The following UBE2H variants were observed in gnomAD, a reference collection of about 807,000 sequenced individuals.
UBE2H encodes the protein ubiquitin conjugating enzyme E2 H, also known as ubiquitin-conjugating enzyme E2 H.
UBE2H carries 3 observed loss-of-function variants against 29.0 expected under a neutral mutation model. The ratio of observed to expected loss-of-function variants is 0.10; its 90% confidence interval spans 0.05 to 0.27. UBE2H has a LOEUF of 0.27. Among genes scored for constraint, UBE2H ranks in the 10% least tolerant of loss-of-function variants. The pLI is 1.00. For missense variants in UBE2H, 68 were observed against 228.2 expected (o/e 0.30, Z 4.52); for synonymous variants, 69 against 82.9 (o/e 0.83, Z 0.91).
intron 1 of UBE2H, among the ~76,000 whole-genome samples, chr7:129,904,285 C>CTTTTT (rs199845683): frequency 8.9e-5 from 13 of 146,612 alleles, no homozygotes; most frequent in Non-Finnish European, 2.0e-4. Context: ...TAAGGTGTGT[C>CTTTTT]TTTTTTTTTT....
intron 1 of UBE2H, among the ~76,000 whole-genome samples, chr7:129,905,337 T>C (rs1470082673): frequency 6.6e-6 from 1 of 152,080 alleles, no homozygotes; most frequent in African/African-American, 2.4e-5. Context: ...CAGACCATTA[T>C]ACATTTGATT....
intron 1 of UBE2H, chr7:129,948,972 T>A: frequency 2.2e-6 from 1 of 456,872 alleles, no homozygotes; most frequent in Non-Finnish European, 4.4e-6. Flanking sequence ...ATCAGCTGTT[T>A]GGTAGCTCCT....
chr7:129,912,167 C>G (rs1221573274), intron 1 of UBE2H, among the ~76,000 whole-genome samples: 1 of 152,166 alleles, frequency 6.6e-6, no homozygotes, highest in East Asian at 1.9e-4. Context: ...CCATGCCCAT[C>G]CATTTACGTA....
intron 1 of UBE2H, among the ~76,000 whole-genome samples, chr7:129,901,417 C>T (rs1806712189): frequency 6.6e-6 from 1 of 152,032 alleles, no homozygotes; most frequent in Non-Finnish European, 1.5e-5. Flanking sequence ...GACTGCACAG[C>T]GCCACAGGGA....
At chr7:129,897,581 T>A (rs576322437) in intron 1 of UBE2H, among the ~76,000 whole-genome samples, 4 of 152,354 alleles carry the variant, frequency 2.6e-5, no homozygotes, top group African/African-American at 7.2e-5. Context: ...TCAAAATTAC[T>A]GTCAAGGTTT....
intron 1 of UBE2H, among the ~76,000 whole-genome samples, chr7:129,940,924 C>T (rs1807628813): frequency 6.6e-6 from 1 of 152,156 alleles, no homozygotes; most frequent in African/African-American, 2.4e-5. Flanking sequence ...ACAATGCACT[C>T]GAATTACACT....
At chr7:129,943,626 G>T (rs2116523000) in intron 1 of UBE2H, among the ~76,000 whole-genome samples, 1 of 152,310 alleles carries the variant, frequency 6.6e-6, no homozygotes, top group East Asian at 1.9e-4. Context: ...GATTGGCCAG[G>T]CATCGTGGCT....
intron 5 of UBE2H, among the ~76,000 whole-genome samples, chr7:129,846,734 G>A (rs1158099354): frequency 1.3e-5 from 2 of 152,036 alleles, no homozygotes; most frequent in African/African-American, 4.8e-5. Flanking sequence ...ACTTAATACT[G>A]AAAAATACAT....
chr7:129,851,820 A>T (rs1805615248), intron 5 of UBE2H, among the ~76,000 whole-genome samples: 1 of 152,218 alleles, frequency 6.6e-6, no homozygotes, highest in African/African-American at 2.4e-5. Flanking sequence ...ATAACTAGTT[A>T]GACTCCTGAG....
intron 5 of UBE2H, among the ~76,000 whole-genome samples, chr7:129,844,507 TAAC>T (rs1455729639): frequency 6.6e-5 from 10 of 152,160 alleles, no homozygotes; most frequent in African/African-American, 1.4e-4. Context: ...TCGATAATAA[TAAC>T]GATAAAAATG....
At chr7:129,867,724 C>CAAAAAAAA (rs1473451530) in intron 3 of UBE2H, among the ~76,000 whole-genome samples, 54 of 31,186 alleles carry the variant, frequency 1.7e-3, no homozygotes, top group Middle Eastern at 0.02. Flanking sequence ...AAAAGAAAAC[C>CAAAAAAAA]AAAAAAAAAA....
At chr7:129,890,261 G>A (rs937519230) in intron 1 of UBE2H, among the ~76,000 whole-genome samples, 7 of 148,508 alleles carry the variant, frequency 4.7e-5, no homozygotes, top group African/African-American at 9.9e-5. Context: ...ACATACACAC[G>A]TATATATACA....
At chr7:129,847,424 G>A (rs1447185538) in intron 5 of UBE2H, among the ~76,000 whole-genome samples, 1 of 152,112 alleles carries the variant, frequency 6.6e-6, no homozygotes, top group Admixed American at 6.5e-5. Context: ...AAGGAGGGAG[G>A]ATCACTAGAG....
chr7:129,857,357 A>G (rs1805725375), intron 5 of UBE2H, 154 bp downstream of exon 5: 3 of 693,286 alleles, frequency 4.3e-6, no homozygotes, highest in Non-Finnish European at 7.2e-6. Context: ...TTAAGAGAAA[A>G]CATTTTTTCC....
chr7:129,892,034 G>T (rs1403008354), intron 1 of UBE2H, among the ~76,000 whole-genome samples: 1 of 147,540 alleles, frequency 6.8e-6, no homozygotes, highest in East Asian at 2.0e-4. Context: ...CTCACTGCAA[G>T]CTCCGCCTCC....
rs191536619 is a variant in UBE2H, at chr7:129,928,850, T to C, written c.53+23653A>G. Among the ~76,000 whole-genome samples the C allele has an allele frequency of 7.7e-4, 118 of 152,292 alleles. No individual in the cohort carries two copies. In the East Asian group the frequency reaches 0.02, roughly 26 times the overall value. On this transcript the variant is annotated intron_variant, in intron 1 of 6. Coordinates refer to ENST00000355621, the MANE Select transcript of UBE2H (RefSeq NM_003344.4). The stretch of plus-strand genomic sequence containing the variant: ...ATATGGTTAAACAGAAAAAAGGCTC[T>C]GCATATTAAAAAAGATACACAAATA...
rs1455186970 is a variant in UBE2H at position 129,835,003 on chromosome 7, C to T, written c.486G>A (p.Gly162=). Residue 162 remains glycine, a synonymous_variant, in exon 7 of 7, where the codon GGG becomes GGA. Transcript: ENST00000355621. ...EALKEQEEGT[G]DSSSESSMSD... is the part of the protein sequence containing the mutation. ...ACATAGAGCTCTCCGATGAGCTGTC[C>T]CCGGTACCCTCTTCCTGTTCTTTCA... 6.2e-7 allele frequency: 1 copy of T among 1,613,900 alleles called. No individual in the cohort carries two copies. Among genetic ancestry groups the T allele is most frequent in the Non-Finnish European group, 8.5e-7 (1 of 1,180,028 alleles).
intron 1 of UBE2H, among the ~76,000 whole-genome samples, chr7:129,946,204 C>A (rs908207215): frequency 6.6e-6 from 1 of 151,786 alleles, no homozygotes; most frequent in African/African-American, 2.4e-5. Flanking sequence ...AGGCGCCCGC[C>A]ACCACGCCCG....
chr7:129,919,402 G>A (rs964020046), intron 1 of UBE2H, among the ~76,000 whole-genome samples: 2 of 152,026 alleles, frequency 1.3e-5, no homozygotes, highest in East Asian at 1.9e-4. Context: ...GTCTGGTGCC[G>A]GCAGCATACA....
Sources: gnomAD v4.1 joint callset for allele counts (sites outside exome capture counted in the v4.1 genomes callset) on GRCh38, gnomAD v4.1.1 for gene constraint, MANE v1.5 for transcripts, NCBI Gene and HGNC (gene_info 2026-07-23, HGNC 2026-07-21) for gene names.